COL6A3: variants seen among roughly 807,000 people sequenced by gnomAD.
COL6A3 encodes collagen alpha-3(VI) chain.
A neutral mutation model predicts 274.1 loss-of-function variants in COL6A3; 137 were observed. That is an observed-to-expected ratio of 0.50 (90% CI 0.44 to 0.58). COL6A3 has a LOEUF of 0.58. COL6A3 is among the 20% of genes least tolerant of loss of function. The pLI, the probability that COL6A3 is intolerant of heterozygous loss-of-function variation, is 0.00. For synonymous variants in COL6A3, 1,650 were observed against 1,650.6 expected (o/e 1.00, Z 0.01); for missense variants, 3,950 against 4,124.9 (o/e 0.96, Z 1.16).
Position 237,350,142 on chromosome 2 carries a change from C to T in COL6A3, c.6879+5G>A. 1.2e-6 allele frequency: 2 copies of T among 1,614,022 alleles called. No individual in the cohort carries two copies. The highest frequency in any genetic ancestry group is 1.7e-6 in the Non-Finnish European group (2 of 1,179,952). ...AGCCTGACCCCAAGCGCGCTGTGAC[C>T]TTACCGTCTCCCCACGAGGGCCCCG... On this transcript the variant is annotated splice_donor_5th_base_variant and intron_variant, in intron 28 of 43. Coordinates refer to ENST00000295550, the MANE Select transcript of COL6A3 (RefSeq NM_004369.4).
chr2:237,377,087 C>T lies in COL6A3; in HGVS notation c.2755G>A (p.Ala919Thr), dbSNP rs114563217. 6.8e-6 allele frequency: 11 copies of T among 1,614,220 alleles called. No homozygotes were observed. Among genetic ancestry groups the T allele is most frequent in the African/African-American group, 2.7e-5 (2 of 75,048 alleles). The change falls in exon 7 of 44, where the codon GCG becomes ACG. Residue 919 changes from alanine (A) to threonine (T), a missense_variant. Transcript: ENST00000295550. Reference protein sequence around the residue: ...KTGKALNLGYALDYAQRYIFV... With the variant: ...KTGKALNLGYTLDYAQRYIFV... ...ATGTACCTCTGTGCATAGTCCAGCG[C>T]GTAGCCCAGGTTGAGGGCTTTGCCC... is the stretch of plus-strand genomic sequence containing the variant.
chr2:237,364,472 A>T lies in COL6A3; in HGVS notation c.5839-44T>A, dbSNP rs2077504741. 1 of 1,456,190 alleles carries T rather than the reference A, an allele frequency of 6.9e-7. No individual in the cohort carries two copies. Among genetic ancestry groups the T allele is most frequent in the African/African-American group, 1.4e-5 (1 of 71,796 alleles). The allele number at this position is 1,456,190 out of a possible 1,614,324, so 90.2% of individuals were successfully genotyped here. On this transcript the variant is annotated intron_variant, in intron 12 of 43. Coordinates refer to ENST00000295550, the MANE Select transcript of COL6A3 (RefSeq NM_004369.4). The surrounding 1 kb of genome is among the most constrained non-coding windows in gnomAD (Gnocchi z 4.6). ...TCAAATCCCAGGAAAACTAAAAAGG[A>T]GTGTTGCAGACTGCTGATAGAAAAC...
In COL6A3 at chr2:237,367,565, C is replaced by T. The variant is rs1003593002; in HGVS notation, c.4901-279G>A. On this transcript the variant is annotated intron_variant, in intron 10 of 43. Transcript: ENST00000295550. ...TCTGTGAAAACTCAGTGACAGAGAA[C>T]TTCAGTTATCCCGTGCAAAATGGCA... Among the ~76,000 whole-genome samples the T allele has an allele frequency of 8.5e-5, 13 of 152,190 alleles. 1 individual carries two copies. Among genetic ancestry groups the T allele is most frequent in the African/African-American group, 3.1e-4 (13 of 41,444 alleles).
At chr2:237,382,991 G>A (rs1200861939) in intron 4 of COL6A3, among the ~76,000 whole-genome samples, 1 of 152,062 alleles carries the variant, frequency 6.6e-6, no homozygotes, top group East Asian at 1.9e-4. Flanking sequence ...TAGAGATGGG[G>A]TTTCACCATG....
In COL6A3 at chr2:237,340,703, A is replaced by G. The variant is rs144541891; in HGVS notation, c.8213T>C (p.Ile2738Thr). 8 of 1,613,934 alleles carry G rather than the reference A, an allele frequency of 5.0e-6. No homozygotes were observed. The highest frequency in any genetic ancestry group is 1.3e-5 in the African/African-American group (1 of 74,856). Residue 2738 changes from isoleucine to threonine, a missense_variant, in exon 38 of 44, where the codon ATT becomes ACT. Coordinates refer to ENST00000295550, the MANE Select transcript of COL6A3 (RefSeq NM_004369.4). Reference protein sequence around the residue: ...ESAPNPRDLKIVVLMLTGEVP... With the variant: ...ESAPNPRDLKTVVLMLTGEVP... ...CTCGCCCGTCAGCATCAGGACCACA[A>G]TTTTCAGGTCCCGTGGGTTTGGGGC...
In COL6A3 at chr2:237,371,349, C is replaced by T. The variant is rs546369454; in HGVS notation, c.4285+383G>A. Among the ~76,000 whole-genome samples, 1 of 152,158 alleles carries T rather than the reference C, an allele frequency of 6.6e-6. No homozygotes were observed. The highest frequency in any genetic ancestry group is 1.5e-5 in the Non-Finnish European group (1 of 68,026). On this transcript the variant is annotated intron_variant, in intron 9 of 43. Transcript: ENST00000295550. This position sits in a 1 kb window ranked among gnomAD's most constrained non-coding sequence, Gnocchi z 4.3. ...CGGTGTCTCAGGCCTGTAATCCCAG[C>T]ACTTTGGGAGGCCGCAGCAGGTGGA...
rs781541868 is a variant in COL6A3 at position 237,367,172 on chromosome 2, T to C, written c.5015A>G (p.Asp1672Gly). The C allele has an allele frequency of 5.6e-6, 9 of 1,614,082 alleles. No individual in the cohort carries two copies. The highest frequency in any genetic ancestry group is 5.9e-6 in the Non-Finnish European group (7 of 1,180,052). ...AAGCCCCACTTGGATGGAGTCGCCA[T>C]CTTCATAAACTGTGTCCACTATTTC... ...VSEIVDTVYE[D>G]GDSIQVGLVQ... The change falls in exon 11 of 44, where the codon GAT (aspartate) becomes GGT (glycine). Residue 1672 changes from aspartate (D) to glycine (G), a missense_variant. Around this residue, in one of 5 missense-constraint regions of COL6A3, gnomAD observed 632 missense variants for 623.4 expected, o/e 1.01. Transcript: ENST00000295550.
chr2:237,350,744 A>G (rs2646261), intron 27 of COL6A3, among the ~76,000 whole-genome samples: 17,684 of 152,208 alleles, frequency 0.12, 1,076 homozygotes, highest in Middle Eastern at 0.18. Flanking sequence ...TGCACTGCCC[A>G]TGTTTAAAGA....
intron 17 of COL6A3, among the ~76,000 whole-genome samples, 159 bp downstream of exon 17, chr2:237,359,929 C>G (rs547473882): frequency 6.6e-6 from 1 of 152,332 alleles, no homozygotes; most frequent in South Asian, 2.1e-4. Context: ...TGCTCCTGAA[C>G]CCACCCTGCT....
In COL6A3 at chr2:237,331,086, T is replaced by C. The variant is rs567877029; in HGVS notation, c.9328+2364A>G. ...TCTAATTAATGGATGCTGCAGAAAG[T>C]AAGAGGAATGAAAATGGACACATGT... On this transcript the variant is annotated intron_variant, in intron 42 of 43. Transcript: ENST00000295550. Among the ~76,000 whole-genome samples, 12 of 152,264 alleles carry C rather than the reference T, an allele frequency of 7.9e-5. No individual in the cohort carries two copies. The South Asian group carries it at 2.3e-3, about 29-fold the overall frequency.
intron 3 of COL6A3, among the ~76,000 whole-genome samples, chr2:237,391,928 C>T (rs1046244818): frequency 6.6e-6 from 1 of 152,142 alleles, no homozygotes; most frequent in Non-Finnish European, 1.5e-5. Flanking sequence ...ATTGTAGATA[C>T]CCTCTTGTCA....
At chr2:237,388,286 A>G in intron 3 of COL6A3, 102 bp from the exon 4 acceptor site, 1 of 1,458,304 alleles carries the variant, frequency 6.9e-7, no homozygotes, top group Non-Finnish European at 9.5e-7. Context: ...AATAAGAAAC[A>G]CGAAATATGG....
At position 237,348,670 on chromosome 2, in the gene COL6A3, G is replaced by T. The variant is rs1407877332; in HGVS notation, c.6880-7C>A. Reference sequence around the variant, plus strand: ...CGTCTCTCCCGTCATCTCCCTAAGAGTGGGAAAGAGATGTGACTGTAGGTC... The same window carrying T: ...CGTCTCTCCCGTCATCTCCCTAAGATTGGGAAAGAGATGTGACTGTAGGTC... On this transcript the variant is annotated splice_region_variant and splice_polypyrimidine_tract_variant and intron_variant, in intron 28 of 43. Transcript: ENST00000295550. 1 of 1,614,082 alleles carries T rather than the reference G, an allele frequency of 6.2e-7. No homozygotes were observed. The highest frequency in any genetic ancestry group is 8.5e-7 in the Non-Finnish European group (1 of 1,179,972).
intron 4 of COL6A3, 41 bp from the exon 5 acceptor site, chr2:237,381,540 C>T (rs1330808578): frequency 6.8e-7 from 1 of 1,465,316 alleles, no homozygotes. Context: ...AATGGCCTTA[C>T]CAAGCACAAT....
At chr2:237,325,498 G>T (rs1050148971) in intron 43 of COL6A3, 62 bp downstream of exon 43, 25 of 1,550,540 alleles carry the variant, frequency 1.6e-5, no homozygotes, top group Non-Finnish European at 2.1e-5. Context: ...ATTTTTCAAG[G>T]TGACTTATTG....
In COL6A3 at chr2:237,413,975, G is replaced by A. The variant is rs1228166662; in HGVS notation, c.-53C>T. On this transcript the variant is annotated 5_prime_UTR_variant, in exon 1 of 44. Transcript: ENST00000295550. This position sits in a 1 kb window ranked among gnomAD's most constrained non-coding sequence, Gnocchi z 4.0. Reference sequence around the variant, plus strand: ...TACCCCTGAGCAAACCTGAAGGCGTGTGTCCCTGGGCTCCTCGATTCAATT... The same window carrying A: ...TACCCCTGAGCAAACCTGAAGGCGTATGTCCCTGGGCTCCTCGATTCAATT... 2 of 152,210 alleles carry A rather than the reference G, an allele frequency of 1.3e-5. No individual in the cohort carries two copies. The highest frequency in any genetic ancestry group is 1.9e-4 in the East Asian group (1 of 5,198). The allele number at this position is 152,210 out of a possible 1,614,324, so 9.4% of individuals were successfully genotyped here.
Position 237,344,583 on chromosome 2 carries a change from C to A in COL6A3, c.7435G>T (p.Ala2479Ser). ...LLDKIKNLQV[A>S]LTSKQQSLET... Reference sequence around the variant, plus strand: ...AGACTCTGCTGTTTGGATGTCAGAGCCACCTGAAGGTTCTTAATCTTGTCC... The same window carrying A: ...AGACTCTGCTGTTTGGATGTCAGAGACACCTGAAGGTTCTTAATCTTGTCC... The change falls in exon 36 of 44, where the codon GCT becomes TCT. Residue 2479 changes from alanine (A) to serine (S), a missense_variant. Ala to Ser is a moderately conservative substitution (Grantham distance 99). Around this residue, in one of 5 missense-constraint regions of COL6A3, gnomAD observed 1,284 missense variants for 1,349.7 expected, o/e 0.95. Transcript: ENST00000295550. The surrounding 1 kb of genome is among the most constrained non-coding windows in gnomAD (Gnocchi z 4.8). 1 of 1,614,192 alleles carries A rather than the reference C, an allele frequency of 6.2e-7. No homozygotes were observed. The highest frequency in any genetic ancestry group is 8.5e-7 in the Non-Finnish European group (1 of 1,180,044).
chr2:237,338,563 G>C (rs1027831088), intron 39 of COL6A3, among the ~76,000 whole-genome samples: 2 of 152,086 alleles, frequency 1.3e-5, no homozygotes, highest in Non-Finnish European at 2.9e-5. Context: ...AGGAGTTCTA[G>C]ACAAGGCTGG....
chr2:237,360,237 AG>A (rs2077404767), intron 16 of COL6A3, 78 bp from the exon 17 acceptor site: 2 of 1,392,692 alleles, frequency 1.4e-6, no homozygotes, highest in Non-Finnish European at 2.0e-6. Flanking sequence ...AGCAGCGTAA[AG>A]GGTACTGTGA....
Sources: gnomAD v4.1 joint callset for allele counts (sites outside exome capture counted in the v4.1 genomes callset) on GRCh38, gnomAD v4.1.1 for gene constraint, gnomAD v4.1.1 regional missense constraint, Gnocchi (gnomAD v3.1) non-coding constraint, MANE v1.5 for transcripts, NCBI Gene and HGNC (gene_info 2026-07-23, HGNC 2026-07-21) for gene names.